RELN: variants seen among roughly 807,000 people sequenced by gnomAD.
RELN encodes the protein reelin.
RELN carries 108 observed loss-of-function variants against 427.6 expected under a neutral mutation model. The observed-to-expected ratio is 0.25, with a 90% CI of 0.22 to 0.30. RELN has a LOEUF of 0.30. Ranked by LOEUF, RELN falls within the 10% of genes least tolerant of loss-of-function variation. The pLI, the probability that RELN is intolerant of heterozygous loss-of-function variation, is 1.00. For missense variants in RELN, 3,715 were observed against 4,302.8 expected (o/e 0.86, Z 3.82); for synonymous variants, 1,524 against 1,513.4 (o/e 1.01, Z -0.16).
In RELN at chr7:103,635,538, C is replaced by A. The variant is rs148510862; in HGVS notation, c.2352G>T (p.Thr784=). The stretch of plus-strand genomic sequence containing the variant: ...CACCAGGCTGATCAGGGGCTCTGCA[C>A]GTGCTCAGAACAGATTTGCTCCCCA... ...LRLGSKSVLS[T]CRAPDQPGEG... is the part of the protein sequence containing the mutation. The change falls in exon 19 of 65, where the codon ACG becomes ACT. Residue 784 remains threonine, a synonymous_variant. Transcript: ENST00000428762. The A allele has an allele frequency of 1.2e-6, 2 of 1,614,006 alleles. No homozygotes were observed. Among genetic ancestry groups the A allele is most frequent in the Non-Finnish European group, 1.7e-6 (2 of 1,179,918 alleles).
At chr7:103,473,319 T>C (rs80235802) in intron 64 of RELN, among the ~76,000 whole-genome samples, 3,140 of 152,280 alleles carry the variant, frequency 0.021, 115 homozygotes, top group African/African-American at 0.071. Context: ...GGAAAAATAA[T>C]TTGGTTCCTT....
chr7:103,805,266 G>A (rs1375575579), intron 3 of RELN, among the ~76,000 whole-genome samples: 1 of 152,166 alleles, frequency 6.6e-6, no homozygotes, highest in Non-Finnish European at 1.5e-5. Flanking sequence ...GGCAACAGAT[G>A]TGAAAGTGCT....
At chr7:103,883,419 G>A (rs776543659) in intron 2 of RELN, among the ~76,000 whole-genome samples, 1 of 152,202 alleles carries the variant, frequency 6.6e-6, no homozygotes, top group Non-Finnish European at 1.5e-5. Context: ...CATAGTATTA[G>A]AAGTTCTGGC....
intron 8 of RELN, among the ~76,000 whole-genome samples, chr7:103,713,254 C>T (rs10264864): frequency 0.24 from 35,831 of 152,088 alleles, 4,578 homozygotes; most frequent in South Asian, 0.37. Flanking sequence ...ACCTCAGAGA[C>T]GAGCACAGCT....
In RELN at chr7:103,539,328, C is replaced by A; in HGVS notation, c.6931-1G>T. On this transcript the variant is annotated splice_acceptor_variant, in intron 44 of 64. Coordinates refer to ENST00000428762, the MANE Select transcript of RELN (RefSeq NM_005045.4). LOFTEE classifies it high-confidence loss of function. ...CAGAAATATTTCCTCCAATAAGAAT[C>A]TGAAATGTATTTTTAAAAAATCCCA... 6.2e-7 allele frequency: 1 copy of A among 1,613,816 alleles called. No individual in the cohort carries two copies. The highest frequency in any genetic ancestry group is 8.5e-7 in the Non-Finnish European group (1 of 1,179,730).
In RELN at chr7:103,557,028, T is replaced by C. The variant is rs768731886; in HGVS notation, c.5746A>G (p.Thr1916Ala). The C allele has an allele frequency of 9.9e-6, 16 of 1,613,796 alleles. No individual in the cohort carries two copies. Among genetic ancestry groups the C allele is most frequent in the East Asian group, 2.2e-5 (1 of 44,888 alleles). ...AATCTTGTAGCATTGGTTTGGGCAG[T>C]GTATGGCAAGGGAACATTGATGAAA... Reference protein sequence around the residue: ...ILFINVPLPYTAQTNATRFRL... With the variant: ...ILFINVPLPYAAQTNATRFRL... The change falls in exon 38 of 65, where the codon ACT (threonine) becomes GCT (alanine). Residue 1916 changes from threonine (T) to alanine (A), a missense_variant. Thr to Ala is a moderately conservative substitution (Grantham distance 58, BLOSUM62 0). Around this residue, in one of 4 missense-constraint regions of RELN, gnomAD observed 2,208 missense variants for 2,361.7 expected, o/e 0.93. Coordinates refer to ENST00000428762, the MANE Select transcript of RELN (RefSeq NM_005045.4).
rs1188823409 is a variant in RELN, at chr7:103,728,150, A to C, written c.714T>G (p.Asn238Lys). The change falls in exon 7 of 65, where the codon AAT (asparagine) becomes AAG (lysine). Residue 238 changes from asparagine (N) to lysine (K), a missense_variant. Asn to Lys is a moderately conservative substitution (Grantham distance 94, BLOSUM62 0). Transcript: ENST00000428762. ...GEQCGAIMHG[N>K]AVTFCEPYGP... ...CATATGGTTCACAGAAGGTGACGGC[A>C]TTGCCATGCATAATCGCGCCACACT... 6.2e-7 allele frequency: 1 copy of C among 1,613,904 alleles called. No homozygotes were observed. Among genetic ancestry groups the C allele is most frequent in the Non-Finnish European group, 8.5e-7 (1 of 1,179,900 alleles).
At chr7:103,975,371 T>C (rs1796848944) in intron 1 of RELN, among the ~76,000 whole-genome samples, 1 of 152,152 alleles carries the variant, frequency 6.6e-6, no homozygotes, top group Non-Finnish European at 1.5e-5. Flanking sequence ...AAGCAAAACC[T>C]GCTTTGATGA....
chr7:103,753,138 G>T, intron 5 of RELN, 44 bp downstream of exon 5: 1 of 1,601,874 alleles, frequency 6.2e-7, no homozygotes, highest in Non-Finnish European at 8.6e-7. Context: ...CAAACAAGTA[G>T]ATCAAGTACT....
intron 22 of RELN, among the ~76,000 whole-genome samples, chr7:103,605,949 G>T (rs1418687386): frequency 2.6e-5 from 4 of 152,106 alleles, no homozygotes; most frequent in African/African-American, 9.7e-5. Flanking sequence ...ACATACGATG[G>T]GACAGATGCA....
chr7:103,694,032 CA>C, intron 10 of RELN, among the ~76,000 whole-genome samples: 1 of 152,232 alleles, frequency 6.6e-6, no homozygotes, highest in East Asian at 1.9e-4. Flanking sequence ...GAAAGGGAAG[CA>C]AACAGTGTTT....
At chr7:103,590,321 T>C (rs531849474) in intron 27 of RELN, among the ~76,000 whole-genome samples, 2 of 152,192 alleles carry the variant, frequency 1.3e-5, no homozygotes, top group East Asian at 3.9e-4. Context: ...CCCAGCACTT[T>C]GGGAGGCTGA....
chr7:103,741,374 T>A (rs1790650622), intron 6 of RELN, among the ~76,000 whole-genome samples: 1 of 151,940 alleles, frequency 6.6e-6, no homozygotes, highest in South Asian at 2.1e-4. Context: ...TTCCATAGAT[T>A]TTATAATATA....
At chr7:103,795,846 C>T (rs1792285951) in intron 3 of RELN, among the ~76,000 whole-genome samples, 1 of 152,144 alleles carries the variant, frequency 6.6e-6, no homozygotes, top group African/African-American at 2.4e-5. Context: ...ACAAGGAATA[C>T]CATTTTGACA....
chr7:103,520,972 T>TTA (rs1562869046), intron 48 of RELN, among the ~76,000 whole-genome samples: 9 of 132,620 alleles, frequency 6.8e-5, no homozygotes, highest in African/African-American at 2.5e-4. Context: ...TTTTTTTTTT[T>TTA]TTTTTTTTTT....
intron 3 of RELN, among the ~76,000 whole-genome samples, chr7:103,832,220 G>A (rs1249758537): frequency 1.3e-5 from 2 of 152,174 alleles, no homozygotes; most frequent in Non-Finnish European, 1.5e-5. Flanking sequence ...TGTCTGAGCA[G>A]AAAGTCTGAA....
chr7:103,789,044 C>A (rs1477037776), intron 3 of RELN, among the ~76,000 whole-genome samples: 1 of 152,140 alleles, frequency 6.6e-6, no homozygotes, highest in Non-Finnish European at 1.5e-5. Context: ...CACACAAATA[C>A]AACCATCTGA....
rs147496823 is a variant in RELN at position 103,575,669 on chromosome 7, T to C, written c.4182A>G (p.Ser1394=). The change falls in exon 29 of 65, where the codon TCA becomes TCG. Residue 1394 remains serine (S), a synonymous_variant. Transcript: ENST00000428762. ...AACCAAATGGAGGCACGTTTTTCTG[T>C]GAGCTGCTCTCCTGGATCCATCGGA... ...TRFRWIQESS[S]QKNVPPFGLD... is the part of the protein sequence containing the mutation. 1.4e-4 allele frequency: 234 copies of C among 1,614,186 alleles called. 1 individual carries two copies. The African/African-American group carries it at 2.6e-3, about 18-fold the overall frequency.
At chr7:103,972,516 C>T (rs1563118718) in intron 1 of RELN, among the ~76,000 whole-genome samples, 1 of 152,146 alleles carries the variant, frequency 6.6e-6, no homozygotes, top group Non-Finnish European at 1.5e-5. Context: ...ATGGCACTGT[C>T]CCACTGAGAA....
Sources: allele counts gnomAD v4.1 joint callset (sites outside exome capture counted in the v4.1 genomes callset), GRCh38; gene constraint gnomAD v4.1.1; regional missense constraint gnomAD v4.1.1; transcripts MANE v1.5; gene names NCBI Gene and HGNC (gene_info 2026-07-23, HGNC 2026-07-21).